Variants in TENM3 observed in about 807,000 individuals in gnomAD.
TENM3 encodes the protein teneurin transmembrane protein 3.
Under a neutral mutation model 255.1 loss-of-function variants are expected in TENM3, and 63 were observed. The ratio of observed to expected loss-of-function variants is 0.25; its 90% CI spans 0.20 to 0.30. The LOEUF is 0.30. Among genes scored for constraint, TENM3 ranks in the 10% least tolerant of loss-of-function variants. TENM3 has a pLI of 1.00. For missense variants in TENM3, 2,929 were observed against 3,461.1 expected, an observed-to-expected ratio of 0.85 and a Z score of 3.86; for synonymous variants, 1,306 against 1,322.3, an observed-to-expected ratio of 0.99 and a Z score of 0.27.
the TENM3 span, among the ~76,000 whole-genome samples, chr4:181,830,634 A>G: frequency 6.6e-6 from 1 of 151,626 alleles, no homozygotes; most frequent in Non-Finnish European, 1.5e-5. Flanking sequence ...AACTAGGGGA[A>G]ATAACATCCC....
chr4:182,537,035 A>G (rs1013165606), intron 3 of TENM3, among the ~76,000 whole-genome samples: 1 of 152,260 alleles, frequency 6.6e-6, no homozygotes, highest in African/African-American at 2.4e-5. Context: ...AATGAAAGAC[A>G]TAAATACAGT....
intron 1 of TENM3, among the ~76,000 whole-genome samples, chr4:182,182,022 G>C (rs1167512543): frequency 1.3e-5 from 2 of 151,962 alleles, no homozygotes; most frequent in Non-Finnish European, 2.9e-5. Flanking sequence ...TTTTCTGACT[G>C]ATATAAGGAA....
At chr4:182,304,826 A>G (rs943797558) in intron 1 of TENM3, among the ~76,000 whole-genome samples, 2 of 152,092 alleles carry the variant, frequency 1.3e-5, no homozygotes, top group African/African-American at 2.4e-5. Flanking sequence ...GGGGTTGTGT[A>G]GATCCCTTAT....
At chr4:182,433,984 C>T (rs1771859466) in intron 3 of TENM3, among the ~76,000 whole-genome samples, 1 of 152,040 alleles carries the variant, frequency 6.6e-6, no homozygotes, top group Non-Finnish European at 1.5e-5. Context: ...AGCATGGTGG[C>T]ATGCTTGTAG....
the TENM3 span, among the ~76,000 whole-genome samples, chr4:181,968,706 G>A: frequency 6.6e-6 from 1 of 152,132 alleles, no homozygotes; most frequent in East Asian, 1.9e-4. Context: ...TATAAATAAA[G>A]TCTCAGTTAT....
chr4:181,745,130 G>T, the TENM3 span, among the ~76,000 whole-genome samples: 2 of 152,130 alleles, frequency 1.3e-5, no homozygotes, highest in Non-Finnish European at 2.9e-5. Flanking sequence ...TAAGAATTCA[G>T]GATTCTGCAG....
the TENM3 span, among the ~76,000 whole-genome samples, chr4:182,083,484 AT>A: frequency 2.6e-5 from 4 of 151,908 alleles, no homozygotes; most frequent in African/African-American, 7.3e-5. Context: ...CTAATTTTTT[AT>A]TTTTTTTCAG....
the TENM3 span, among the ~76,000 whole-genome samples, chr4:181,888,502 A>G: frequency 4.1e-5 from 1 of 24,394 alleles, no homozygotes; most frequent in Non-Finnish European, 7.7e-5. Flanking sequence ...GTGTATATAT[A>G]TATATATATA....
At chr4:182,611,700 T>C (rs1349543664) in intron 4 of TENM3, among the ~76,000 whole-genome samples, 2 of 152,218 alleles carry the variant, frequency 1.3e-5, no homozygotes, top group African/African-American at 2.4e-5. Flanking sequence ...TATTTCCAAA[T>C]GTAAATTTTC....
intron 2 of TENM3, among the ~76,000 whole-genome samples, chr4:182,334,690 T>C (rs1451388058): frequency 6.6e-6 from 1 of 152,160 alleles, no homozygotes; most frequent in Non-Finnish European, 1.5e-5. Flanking sequence ...AAAAAAAGGT[T>C]TTTCTATTCA....
the TENM3 span, among the ~76,000 whole-genome samples, chr4:181,891,683 C>T: frequency 6.6e-6 from 1 of 152,168 alleles, no homozygotes; most frequent in African/African-American, 2.4e-5. Context: ...AGTTTCAGCC[C>T]ATGCCTTTAT....
At chr4:182,639,577 G>A in intron 5 of TENM3, among the ~76,000 whole-genome samples, 1 of 152,150 alleles carries the variant, frequency 6.6e-6, no homozygotes, top group Non-Finnish European at 1.5e-5. Flanking sequence ...CTTATTTTAA[G>A]TCCAGAACTT....
chr4:182,511,924 T>C (rs887695883), intron 3 of TENM3, among the ~76,000 whole-genome samples: 1 of 152,164 alleles, frequency 6.6e-6, no homozygotes, highest in Non-Finnish European at 1.5e-5. Context: ...TTAAGTATTA[T>C]TAAAAGAATA....
chr4:181,572,614 A>G, the TENM3 span, among the ~76,000 whole-genome samples: 6 of 152,132 alleles, frequency 3.9e-5, no homozygotes, highest in Admixed American at 6.5e-5. Context: ...TTGATGGAAC[A>G]AAGTATGTGT....
intron 1 of TENM3, among the ~76,000 whole-genome samples, chr4:182,176,921 T>TGCC (rs1325291977): frequency 6.7e-6 from 1 of 149,914 alleles, no homozygotes; most frequent in African/African-American, 2.5e-5. Context: ...GTGATCTGCC[T>TGCC]GCCTTGGCCT....
chr4:182,537,602 T>G (rs917169972), intron 3 of TENM3, among the ~76,000 whole-genome samples: 1 of 152,234 alleles, frequency 6.6e-6, no homozygotes, highest in Non-Finnish European at 1.5e-5. Context: ...TAGAATGCTC[T>G]CCTTCCTTCT....
chr4:181,783,988 C>T, the TENM3 span, among the ~76,000 whole-genome samples: 4 of 152,270 alleles, frequency 2.6e-5, no homozygotes, highest in African/African-American at 7.2e-5. Flanking sequence ...TAAGTGTAAA[C>T]TTGTAGCATT....
intron 3 of TENM3, among the ~76,000 whole-genome samples, chr4:182,433,261 G>A (rs1231406476): frequency 6.6e-6 from 1 of 152,098 alleles, no homozygotes; most frequent in Non-Finnish European, 1.5e-5. Context: ...GCAGTTAAGT[G>A]GATAGAGAGG....
At chr4:181,647,713 A>G in the TENM3 span, among the ~76,000 whole-genome samples, 5 of 152,188 alleles carry the variant, frequency 3.3e-5, no homozygotes, top group Non-Finnish European at 5.9e-5. Context: ...GGGAAAGGAC[A>G]CGTCGTGGGA....
Sources: gnomAD v4.1 joint callset for allele counts (sites outside exome capture counted in the v4.1 genomes callset) on GRCh38, gnomAD v4.1.1 for gene constraint, MANE v1.5 for transcripts, NCBI Gene and HGNC (gene_info 2026-07-23, HGNC 2026-07-21) for gene names.